The following IL1R1 variants were observed in gnomAD, a reference collection of about 807,000 sequenced individuals.
IL1R1 encodes the protein interleukin 1 receptor type 1.
A neutral mutation model predicts 50.2 loss-of-function variants in IL1R1; 22 were observed. The observed-to-expected ratio is 0.44, with a 90% CI of 0.31 to 0.63. The LOEUF (loss-of-function observed/expected upper bound fraction) is 0.63. IL1R1 is among the 20% of genes least tolerant of loss of function. The pLI, the probability that IL1R1 is intolerant of heterozygous loss-of-function variation, is 0.07. For missense variants in IL1R1, 509 were observed against 676.2 expected, an observed-to-expected ratio of 0.75 and a Z score of 2.74; for synonymous variants, 251 against 236.7, an observed-to-expected ratio of 1.06 and a Z score of -0.55.
intron 1 of IL1R1, among the ~76,000 whole-genome samples, chr2:102,084,148 C>T (rs767250898): frequency 6.6e-5 from 10 of 152,060 alleles, no homozygotes; most frequent in South Asian, 2.1e-4. Context: ...TAATGTGAGG[C>T]GCAAATGAGA....
chr2:102,108,647 AC>A (rs961387635), intron 1 of IL1R1, among the ~76,000 whole-genome samples: 1 of 152,094 alleles, frequency 6.6e-6, no homozygotes, highest in Admixed American at 6.6e-5. Flanking sequence ...TTAAAAAAAA[AC>A]CTAAATGGAG....
intron 1 of IL1R1, among the ~76,000 whole-genome samples, chr2:102,093,937 C>T (rs761434205): frequency 1.1e-4 from 16 of 152,306 alleles, no homozygotes; most frequent in Admixed American, 4.6e-4. Context: ...CAGCCACGCC[C>T]GGTTCCAGAA....
At chr2:102,148,608 C>T (rs1298843366) in intron 1 of IL1R1, among the ~76,000 whole-genome samples, 6 of 152,100 alleles carry the variant, frequency 3.9e-5, no homozygotes, top group African/African-American at 1.4e-4. Context: ...TAATAACTCC[C>T]CTGAGAAAAT....
intron 1 of IL1R1, among the ~76,000 whole-genome samples, chr2:102,095,576 T>A (rs1679860962): frequency 6.6e-6 from 1 of 152,222 alleles, no homozygotes; most frequent in Admixed American, 6.5e-5. Context: ...ATAATTGGCA[T>A]CTTTGAAGTT....
chr2:102,109,123 T>C (rs1344597229), intron 1 of IL1R1, among the ~76,000 whole-genome samples: 2 of 152,146 alleles, frequency 1.3e-5, no homozygotes, highest in Non-Finnish European at 2.9e-5. Context: ...GCTAGGGTTA[T>C]ACCAGTAGTT....
At chr2:102,099,724 T>C (rs113408309), upstream of IL1R1, among the ~76,000 whole-genome samples, 86 of 152,352 alleles carry the variant, frequency 5.6e-4, no homozygotes, top group Middle Eastern at 3.4e-3. Flanking sequence ...CATCATTCAC[T>C]GTGGACGTCT....
intron 1 of IL1R1, among the ~76,000 whole-genome samples, chr2:102,089,401 G>A (rs770668684): frequency 2.0e-5 from 3 of 152,168 alleles, no homozygotes; most frequent in South Asian, 4.1e-4. Flanking sequence ...AGTGTGGTTT[G>A]TGTCACCTCA....
chr2:102,127,504 G>C (rs1348306415), intron 1 of IL1R1, among the ~76,000 whole-genome samples: 1 of 152,116 alleles, frequency 6.6e-6, no homozygotes, highest in East Asian at 1.9e-4. Context: ...GTATAAAACA[G>C]ACCAAAACCT....
intron 1 of IL1R1, among the ~76,000 whole-genome samples, chr2:102,134,720 G>A (rs1379243650): frequency 1.3e-5 from 2 of 152,184 alleles, no homozygotes; most frequent in East Asian, 1.9e-4. Context: ...AACAGAAAAA[G>A]CAATCAATAC....
chr2:102,128,558 G>T (rs186823318), intron 1 of IL1R1, among the ~76,000 whole-genome samples: 229 of 152,256 alleles, frequency 1.5e-3, no homozygotes, highest in African/African-American at 5.3e-3. Flanking sequence ...GCCATCAAGG[G>T]AATTGAGGCA....
chr2:102,075,591 C>T (rs1427944933), intron 1 of IL1R1, among the ~76,000 whole-genome samples: 2 of 152,170 alleles, frequency 1.3e-5, no homozygotes, highest in African/African-American at 4.8e-5. Flanking sequence ...TTCTTGATCT[C>T]AGAACCCCAT....
chr2:102,159,380 T>G (rs890975604), intron 3 of IL1R1, among the ~76,000 whole-genome samples: 9 of 152,190 alleles, frequency 5.9e-5, no homozygotes, highest in African/African-American at 2.2e-4. Context: ...GGAGCATACC[T>G]TCAACATTAA....
chr2:102,086,306 T>A (rs540560243), intron 1 of IL1R1, among the ~76,000 whole-genome samples: 1 of 152,316 alleles, frequency 6.6e-6, no homozygotes, highest in African/African-American at 2.4e-5. Flanking sequence ...AAGAATTCAG[T>A]TGTTAATCAC....
chr2:102,080,857 G>A (rs894114073), intron 1 of IL1R1, among the ~76,000 whole-genome samples: 4 of 152,076 alleles, frequency 2.6e-5, no homozygotes, highest in Admixed American at 6.5e-5. Flanking sequence ...TCCAAACAAC[G>A]GAATATTATT....
At chr2:102,173,043 C>T (rs1465509839) in intron 9 of IL1R1, among the ~76,000 whole-genome samples, 2 of 152,164 alleles carry the variant, frequency 1.3e-5, no homozygotes, top group South Asian at 2.1e-4. Flanking sequence ...ACCCAGCTCT[C>T]GGCCCAAAGA....
At chr2:102,092,939 G>T (rs958981510) in intron 1 of IL1R1, among the ~76,000 whole-genome samples, 48 of 152,136 alleles carry the variant, frequency 3.2e-4, no homozygotes, top group African/African-American at 1.1e-3. Context: ...AAACTCAGAG[G>T]CCAGAAAGAG....
At chr2:102,166,052 C>G in intron 5 of IL1R1, 61 bp from the exon 6 acceptor site, 2 of 1,413,574 alleles carry the variant, frequency 1.4e-6, no homozygotes, top group South Asian at 1.3e-5. Flanking sequence ...GCTCCTTTGG[C>G]GGTAGATTGG....
upstream of IL1R1, among the ~76,000 whole-genome samples, chr2:102,138,860 C>G (rs1222087655): frequency 6.6e-6 from 1 of 152,008 alleles, no homozygotes; most frequent in Non-Finnish European, 1.5e-5. Flanking sequence ...GCCCTCTGTG[C>G]AAAAATGTAA....
intron 1 of IL1R1, among the ~76,000 whole-genome samples, chr2:102,122,982 A>C (rs1473340893): frequency 6.6e-6 from 1 of 152,252 alleles, no homozygotes; most frequent in Non-Finnish European, 1.5e-5. Flanking sequence ...TTTTAGGCTC[A>C]TGCCTGTAGA....
Sources: allele counts gnomAD v4.1 joint callset (sites outside exome capture counted in the v4.1 genomes callset), GRCh38; gene constraint gnomAD v4.1.1; transcripts MANE v1.5; gene names NCBI Gene and HGNC (gene_info 2026-07-23, HGNC 2026-07-21).